WRNIP1: variants seen among roughly 807,000 people sequenced by gnomAD.
WRNIP1 encodes the protein ATPase WRNIP1.
Under a neutral mutation model 56.1 loss-of-function variants are expected in WRNIP1, and 41 were observed. The ratio of observed to expected loss-of-function variants is 0.73; its 90% CI spans 0.57 to 0.95. The LOEUF (loss-of-function observed/expected upper bound fraction) is 0.95, where lower values mean the gene tolerates loss of function less well. Among genes scored for constraint, WRNIP1 ranks in the 40% least tolerant of loss-of-function variants. The probability of loss-of-function intolerance (pLI) is 0.00; values close to 1 mark genes in which losing one functional copy is unlikely to be tolerated. For synonymous variants in WRNIP1, 547 were observed against 398.1 expected, an observed-to-expected ratio of 1.37 and a Z score of -4.45; for missense variants, 1,170 against 939.4, an observed-to-expected ratio of 1.25 and a Z score of -3.21.
intron 3 of WRNIP1, among the ~76,000 whole-genome samples, chr6:2,779,053 T>A (rs1414908423): frequency 6.6e-6 from 1 of 152,206 alleles, no homozygotes; most frequent in Non-Finnish European, 1.5e-5. Context: ...TCGACACTCA[T>A]AAGATACAGG....
intron 3 of WRNIP1, chr6:2,773,542 C>T: frequency 1.1e-5 from 11 of 985,368 alleles, no homozygotes; most frequent in Non-Finnish European, 1.2e-5. Context: ...GTATTTTGCT[C>T]TCCCAAAAAT....
At chr6:2,779,181 G>C in intron 3 of WRNIP1, 82 bp from the exon 4 acceptor site, 1 of 1,414,508 alleles carries the variant, frequency 7.1e-7, no homozygotes, top group Non-Finnish European at 9.9e-7. Flanking sequence ...TCCTTGCTGA[G>C]AAGTATGAGT....
chr6:2,766,348 G>T lies in WRNIP1; in HGVS notation c.726G>T (p.Gln242His). 1 of 1,610,640 alleles carries T rather than the reference G, an allele frequency of 6.2e-7. No individual in the cohort carries two copies. Among genetic ancestry groups the T allele is most frequent in the East Asian group, 2.2e-5 (1 of 44,780 alleles). ...RPDTLQDYFG[Q>H]SKAVGQDTLL... ...ACACGCTGCAGGATTACTTCGGGCAGAGCAAGGCCGTGGGCCAGGATACCC... is the reference window on the plus strand; with the variant it reads ...ACACGCTGCAGGATTACTTCGGGCATAGCAAGGCCGTGGGCCAGGATACCC... Residue 242 changes from glutamine to histidine, a missense_variant, in exon 1 of 7, where the codon CAG becomes CAT. Coordinates refer to ENST00000380773, the MANE Select transcript of WRNIP1 (RefSeq NM_020135.3).
intron 1 of WRNIP1, among the ~76,000 whole-genome samples, chr6:2,766,862 C>G (rs1257833256): frequency 1.3e-5 from 2 of 148,502 alleles, no homozygotes; most frequent in Admixed American, 1.4e-4. Context: ...ATAACGGATT[C>G]AGCTTTGAAA....
In WRNIP1 at chr6:2,785,325, G is replaced by C. The variant is rs773694598; in HGVS notation, c.*43G>C. ...GCAGAAGGATGTTGCTTTTTTAAGG[G>C]AGGGCCAGAAAGAAAGTTAGTGGAT... On this transcript the variant is annotated 3_prime_UTR_variant, in exon 7 of 7. Coordinates refer to ENST00000380773, the MANE Select transcript of WRNIP1 (RefSeq NM_020135.3). 2 of 1,592,240 alleles carry C rather than the reference G, an allele frequency of 1.3e-6. No homozygotes were observed. The highest frequency in any genetic ancestry group is 1.7e-6 in the Non-Finnish European group (2 of 1,167,546).
intron 4 of WRNIP1, among the ~76,000 whole-genome samples, chr6:2,781,129 C>G (rs1199578994): frequency 6.6e-6 from 1 of 152,224 alleles, no homozygotes; most frequent in Non-Finnish European, 1.5e-5. Context: ...ACATCATGCT[C>G]CTGAGAGGGG....
At chr6:2,768,318 A>G (rs896739528) in intron 1 of WRNIP1, among the ~76,000 whole-genome samples, 32 of 152,106 alleles carry the variant, frequency 2.1e-4, no homozygotes, top group Non-Finnish European at 7.4e-5. Context: ...TGTCTCGGCT[A>G]GAGGAGGGAG....
At chr6:2,770,530 C>T (rs1332365621) in intron 3 of WRNIP1, among the ~76,000 whole-genome samples, 169 bp downstream of exon 3, 1 of 152,228 alleles carries the variant, frequency 6.6e-6, no homozygotes, top group Admixed American at 6.5e-5. Context: ...TTATACCTAA[C>T]AAAGTTATCC....
At chr6:2,782,014 A>G (rs527681725) in intron 4 of WRNIP1, among the ~76,000 whole-genome samples, 1 of 152,366 alleles carries the variant, frequency 6.6e-6, no homozygotes, top group Admixed American at 6.5e-5. Flanking sequence ...ACAAAGTGGG[A>G]AAAGATGACT....
chr6:2,771,231 G>A lies in WRNIP1; in HGVS notation c.1256+870G>A, dbSNP rs190894820. Among the ~76,000 whole-genome samples the A allele has an allele frequency of 2.1e-3, 319 of 152,290 alleles. 1 individual carries two copies. The highest frequency in any genetic ancestry group is 7.3e-3 in the African/African-American group (303 of 41,548). ...TTTTCTGTGAGGATTAAAGTACAAG[G>A]CATAGTTTAGGCTCAGGGTTTAGGT... is the stretch of plus-strand genomic sequence containing the variant. On this transcript the variant is annotated intron_variant, in intron 3 of 6. Transcript: ENST00000380773.
At chr6:2,770,044 G>A in intron 2 of WRNIP1, 76 bp from the exon 3 acceptor site, 3 of 1,588,100 alleles carry the variant, frequency 1.9e-6, no homozygotes, top group Non-Finnish European at 1.7e-6. Context: ...GGAAGGAAGG[G>A]ATAGCCAACT....
chr6:2,768,928 AAT>A (rs766787460), intron 2 of WRNIP1, 46 bp downstream of exon 2: 2 of 1,550,534 alleles, frequency 1.3e-6, no homozygotes, highest in African/African-American at 2.7e-5. Context: ...AACATCAAAC[AAT>A]ATAAAGTGTG....
At position 2,766,527 on chromosome 6, in the gene WRNIP1, C is replaced by T. The variant is rs192895804; in HGVS notation, c.822+83C>T. The T allele has an allele frequency of 7.5e-5, 106 of 1,416,902 alleles. No individual in the cohort carries two copies. In the Middle Eastern group the frequency reaches 7.5e-4, roughly 10 times the overall value. The allele number at this position is 1,416,902 out of a possible 1,614,324, so 87.8% of individuals were successfully genotyped here. A position where few individuals can be genotyped will look rare whatever the true frequency, so the allele number is the denominator to read the frequency against. ...ATGGTCGGAGAGCCGGGTGTGCTGC[C>T]CTCGAAAGAAGCCGCCTGCCTCTCC... On this transcript the variant is annotated intron_variant, in intron 1 of 6. Transcript: ENST00000380773.
At chr6:2,773,193 A>G (rs960130895) in intron 3 of WRNIP1, 5 of 985,436 alleles carry the variant, frequency 5.1e-6, no homozygotes, top group Non-Finnish European at 6.0e-6. Flanking sequence ...TTTTAAAAAA[A>G]AATTCCCTCC....
chr6:2,767,305 G>C (rs1210096323), intron 1 of WRNIP1, among the ~76,000 whole-genome samples: 1 of 152,224 alleles, frequency 6.6e-6, no homozygotes, highest in African/African-American at 2.4e-5. Context: ...TCCATAATAA[G>C]GGAGAAGAAC....
intron 5 of WRNIP1, 81 bp from the exon 6 acceptor site, chr6:2,784,243 T>A: frequency 7.6e-7 from 1 of 1,316,118 alleles, no homozygotes; most frequent in Non-Finnish European, 1.1e-6. Context: ...CAAGCAGTGG[T>A]GGTCTGTGGT....
chr6:2,768,920 C>T lies in WRNIP1; in HGVS notation c.1014+38C>T, dbSNP rs1347578079. 1.0e-5 allele frequency: 16 copies of T among 1,565,370 alleles called. No homozygotes were observed. The East Asian group carries it at 1.4e-4, about 13-fold the overall frequency. ...CCTTCTACCTTTTGGTCGTTGTGAACATCAAACAATATAAAGTGTGTGAGA... is the reference window on the plus strand; with the variant it reads ...CCTTCTACCTTTTGGTCGTTGTGAATATCAAACAATATAAAGTGTGTGAGA... On this transcript the variant is annotated intron_variant, in intron 2 of 6. Transcript: ENST00000380773.
At position 2,773,202 on chromosome 6, in the gene WRNIP1, C is replaced by T. The variant is rs116563640; in HGVS notation, c.1256+2841C>T. The T allele has an allele frequency of 4.9e-3, 4,835 of 985,322 alleles. 191 individuals are homozygous for T. In the African/African-American group the frequency reaches 0.078, roughly 16 times the overall value. 61.0% of individuals were successfully genotyped at this position (985,322 alleles called of 1,614,324 possible). ...TTCTTTTTTTAAAAAAAAATTCCCT[C>T]CTGTAGTTATTATTCAGTCAAAATT... On this transcript the variant is annotated intron_variant, in intron 3 of 6. Coordinates refer to ENST00000380773, the MANE Select transcript of WRNIP1 (RefSeq NM_020135.3).
intron 2 of WRNIP1, among the ~76,000 whole-genome samples, chr6:2,769,181 T>G (rs563845930): frequency 1.3e-5 from 2 of 152,296 alleles, no homozygotes; most frequent in Admixed American, 1.3e-4. Context: ...ATACTAGGAG[T>G]CATTGTGAAC....
Sources: allele counts gnomAD v4.1 joint callset (sites outside exome capture counted in the v4.1 genomes callset), GRCh38; gene constraint gnomAD v4.1.1; transcripts MANE v1.5; gene names NCBI Gene and HGNC (gene_info 2026-07-23, HGNC 2026-07-21).